NSD3: variants seen among roughly 807,000 people sequenced by gnomAD.
NSD3 encodes histone-lysine N-methyltransferase NSD3.
A neutral mutation model predicts 160.8 loss-of-function variants in NSD3; 24 were observed. The ratio of observed to expected loss-of-function variants is 0.15; its 90% CI spans 0.11 to 0.21. The LOEUF is 0.21. NSD3 is among the 10% of genes least tolerant of loss of function. NSD3 has a pLI of 1.00. For missense variants in NSD3, 1,157 were observed against 1,735.9 expected, an observed-to-expected ratio of 0.67 and a Z score of 5.93; for synonymous variants, 520 against 600.0, an observed-to-expected ratio of 0.87 and a Z score of 1.95.
At position 38,337,285 on chromosome 8, in the gene NSD3, CT is replaced by C. The variant is rs767070494; in HGVS notation, c.910+19del. The C allele has an allele frequency of 2.6e-6, 4 of 1,563,258 alleles. No individual in the cohort carries two copies. Among genetic ancestry groups the C allele is most frequent in the Non-Finnish European group, 3.5e-6 (4 of 1,158,482 alleles). ...TTATTTCCAACCTTTTACTTAGTAT[CT>C]GTTTATGCCTTTTCTTACCTCTTGT... is the stretch of plus-strand genomic sequence containing the variant. On this transcript the variant is annotated intron_variant, in intron 4 of 23. Transcript: ENST00000317025.
chr8:38,381,023 A>C (rs1811533318), intron 1 of NSD3, among the ~76,000 whole-genome samples: 1 of 152,110 alleles, frequency 6.6e-6, no homozygotes, highest in African/African-American at 2.4e-5. Context: ...ACAATCCCAT[A>C]ACCACCAGCT....
At chr8:38,308,541 G>A (rs1162990097) in intron 12 of NSD3, among the ~76,000 whole-genome samples, 2 of 152,178 alleles carry the variant, frequency 1.3e-5, no homozygotes, top group Non-Finnish European at 2.9e-5. Flanking sequence ...GACTTCAGAT[G>A]GTCACAGTGG....
chr8:38,297,999 G>A (rs1809196692), intron 15 of NSD3, among the ~76,000 whole-genome samples: 1 of 151,812 alleles, frequency 6.6e-6, no homozygotes. Flanking sequence ...AATCATCAGA[G>A]AAAATCATCA....
chr8:38,370,656 A>C (rs1027332622), intron 1 of NSD3, among the ~76,000 whole-genome samples: 6 of 152,126 alleles, frequency 3.9e-5, no homozygotes, highest in African/African-American at 1.4e-4. Context: ...TTTTAAAACA[A>C]AACTTTATAA....
chr8:38,323,572 C>A (rs1369555341), intron 7 of NSD3, among the ~76,000 whole-genome samples: 1 of 152,052 alleles, frequency 6.6e-6, no homozygotes, highest in Non-Finnish European at 1.5e-5. Flanking sequence ...AATCCCAACA[C>A]TTCAAGAGGG....
intron 1 of NSD3, among the ~76,000 whole-genome samples, chr8:38,351,972 G>A (rs564106930): frequency 2.7e-5 from 4 of 150,598 alleles, no homozygotes; most frequent in African/African-American, 4.9e-5. Context: ...GTATACATAC[G>A]TAACAAACCT....
At chr8:38,351,971 C>T (rs545805880) in intron 1 of NSD3, among the ~76,000 whole-genome samples, 37 of 150,310 alleles carry the variant, frequency 2.5e-4, no homozygotes, top group African/African-American at 9.1e-4. Context: ...TGTATACATA[C>T]GTAACAAACC....
intron 1 of NSD3, among the ~76,000 whole-genome samples, chr8:38,359,753 G>T (rs1810914573): frequency 6.6e-6 from 1 of 151,986 alleles, no homozygotes; most frequent in Non-Finnish European, 1.5e-5. Flanking sequence ...GTTTTGTCAA[G>T]GAAATAAAAA....
rs980348142 is a variant in NSD3, at chr8:38,305,573, CA to C, written c.2243-129del. The C allele has an allele frequency of 4.5e-5, 34 of 754,164 alleles. 1 individual carries two copies. The highest frequency in any genetic ancestry group is 1.2e-4 in the East Asian group (4 of 32,518). 46.7% of individuals were successfully genotyped at this position (754,164 alleles called of 1,614,324 possible). A position where few individuals can be genotyped will look rare whatever the true frequency, so the allele number is the denominator to read the frequency against. On this transcript the variant is annotated intron_variant, in intron 12 of 23. Coordinates refer to ENST00000317025, the MANE Select transcript of NSD3 (RefSeq NM_023034.2). ...TTACTATACTTAAGAATTTAATGCA[CA>C]AAAAAAATTTAAAATAAATGCTAAA...
intron 21 of NSD3, 116 bp from the exon 22 acceptor site, chr8:38,278,528 C>G (rs1254263506): frequency 2.4e-6 from 2 of 821,646 alleles, no homozygotes; most frequent in East Asian, 5.6e-5. Flanking sequence ...AGGCGTTTCC[C>G]TTGCCAGTGT....
chr8:38,379,300 T>G (rs953401655), intron 1 of NSD3, among the ~76,000 whole-genome samples: 7 of 151,978 alleles, frequency 4.6e-5, no homozygotes, highest in Admixed American at 2.6e-4. Context: ...TTTTCTTTTT[T>G]TTTTTTTTAA....
intron 2 of NSD3, among the ~76,000 whole-genome samples, chr8:38,340,935 G>GGT: frequency 6.6e-6 from 1 of 152,186 alleles, no homozygotes; most frequent in Non-Finnish European, 1.5e-5. Flanking sequence ...GGCCAAGGTG[G>GGT]AATGATCTCT....
At chr8:38,345,008 T>C (rs1810478281) in intron 2 of NSD3, among the ~76,000 whole-genome samples, 1 of 152,210 alleles carries the variant, frequency 6.6e-6, no homozygotes, top group Non-Finnish European at 1.5e-5. Context: ...CATTAATTTA[T>C]ACACATCTCT....
At position 38,317,687 on chromosome 8, in the gene NSD3, A is replaced by C. The variant is rs1238462681; in HGVS notation, c.1855+1208T>G. The C allele has an allele frequency of 7.9e-7, 1 of 1,262,376 alleles. No homozygotes were observed. The highest frequency in any genetic ancestry group is 1.0e-6 in the Non-Finnish European group (1 of 1,000,086). The allele number at this position is 1,262,376 out of a possible 1,614,324, so 78.2% of individuals were successfully genotyped here. On this transcript the variant is annotated intron_variant, in intron 9 of 23. Transcript: ENST00000317025. This position sits in a 1 kb window ranked among gnomAD's most constrained non-coding sequence, Gnocchi z 5.3. Reference sequence around the variant, plus strand: ...AAAACCAAAAACAGTCCATGTTGAAATTGATCAGTGTAAGTTAAATGGTGG... The same window carrying C: ...AAAACCAAAAACAGTCCATGTTGAACTTGATCAGTGTAAGTTAAATGGTGG...
chr8:38,279,667 A>C lies in NSD3; in HGVS notation c.3633T>G (p.Asp1211Glu). ...MLTVTKDRII[D>E]AGPKGNYSRF... ...GAGAATAATTTCCTTTTGGGCCGGCATCAATTATACGGTCCTTCAGAAAGA... is the reference window on the plus strand; with the variant it reads ...GAGAATAATTTCCTTTTGGGCCGGCCTCAATTATACGGTCCTTCAGAAAGA... The change falls in exon 21 of 24, where the codon GAT becomes GAG. Residue 1211 changes from aspartate (D) to glutamate (E), a missense_variant. Asp to Glu is a conservative substitution (Grantham distance 45). This residue lies in a region of NSD3 where 222 missense variants were observed against 409.9 expected (regional missense o/e 0.54). Transcript: ENST00000317025. The C allele has an allele frequency of 6.2e-7, 1 of 1,613,962 alleles. No individual in the cohort carries two copies. The highest frequency in any genetic ancestry group is 8.5e-7 in the Non-Finnish European group (1 of 1,179,816).
intron 19 of NSD3, among the ~76,000 whole-genome samples, chr8:38,284,233 C>T (rs1310100533): frequency 6.6e-6 from 1 of 152,234 alleles, no homozygotes; most frequent in Non-Finnish European, 1.5e-5. Flanking sequence ...ATTATATACA[C>T]TGTCAGCCTC....
Position 38,347,726 on chromosome 8 carries a change from C to A in NSD3, c.446G>T (p.Gly149Val). ...TATTTTTAGTTTAATTTCAGGTGAGCCAGTCTTCTTTGGAATCACAGTTTG... is the reference window on the plus strand; with the variant it reads ...TATTTTTAGTTTAATTTCAGGTGAGACAGTCTTCTTTGGAATCACAGTTTG... ...VPQTVIPKKT[G>V]SPEIKLKITK... is the part of the protein sequence containing the mutation. The change falls in exon 2 of 24, where the codon GGC (glycine) becomes GTC (valine). Residue 149 changes from glycine (G) to valine (V), a missense_variant. This residue lies in a region of NSD3 where 121 missense variants were observed against 177.2 expected (regional missense o/e 0.68). Transcript: ENST00000317025. The A allele has an allele frequency of 6.2e-7, 1 of 1,612,126 alleles. No individual in the cohort carries two copies. The highest frequency in any genetic ancestry group is 1.1e-5 in the South Asian group (1 of 91,088).
intron 1 of NSD3, among the ~76,000 whole-genome samples, chr8:38,354,657 C>A (rs1479787446): frequency 6.6e-6 from 1 of 151,520 alleles, no homozygotes; most frequent in Non-Finnish European, 1.5e-5. Context: ...TAACAACTGG[C>A]GAATCTAGGT....
At chr8:38,280,508 A>T (rs1431310135) in intron 20 of NSD3, among the ~76,000 whole-genome samples, 1 of 152,236 alleles carries the variant, frequency 6.6e-6, no homozygotes, top group African/African-American at 2.4e-5. Flanking sequence ...AATCTCAGTT[A>T]TAGAGATATG....
Sources: gnomAD v4.1 joint callset for allele counts (sites outside exome capture counted in the v4.1 genomes callset) on GRCh38, gnomAD v4.1.1 for gene constraint, gnomAD v4.1.1 regional missense constraint, Gnocchi (gnomAD v3.1) non-coding constraint, MANE v1.5 for transcripts, NCBI Gene and HGNC (gene_info 2026-07-23, HGNC 2026-07-21) for gene names.